Variants in CCR3 observed in about 807,000 individuals in gnomAD.
CCR3 encodes the protein C-C motif chemokine receptor 3.
For synonymous variants in CCR3, 203 were observed against 179.2 expected (o/e 1.13, Z -1.06); for missense variants, 419 against 437.5 (o/e 0.96, Z 0.38).
At chr3:46,259,084 G>T (rs1433478233) in intron 1 of CCR3, among the ~76,000 whole-genome samples, 1 of 152,170 alleles carries the variant, frequency 6.6e-6, no homozygotes, top group Non-Finnish European at 1.5e-5. Context: ...TTTCTGAGTG[G>T]CTGTGCAGCA....
At chr3:46,251,832 G>A (rs1700320035) in intron 1 of CCR3, among the ~76,000 whole-genome samples, 1 of 152,060 alleles carries the variant, frequency 6.6e-6, no homozygotes. Flanking sequence ...CAGTGGGGGT[G>A]ATTTAAAATC....
At chr3:46,232,914 C>A (rs987478259) in intron 2 of CCR3, among the ~76,000 whole-genome samples, 3 of 152,190 alleles carry the variant, frequency 2.0e-5, no homozygotes, top group Non-Finnish European at 4.4e-5. Context: ...CTCACTGCAA[C>A]CTCTACTTCC....
At chr3:46,248,960 G>GC (rs1700253442) in intron 1 of CCR3, among the ~76,000 whole-genome samples, 1 of 152,170 alleles carries the variant, frequency 6.6e-6, no homozygotes, top group Non-Finnish European at 1.5e-5. Context: ...TGGGGGAATG[G>GC]TAAGGAGAGT....
chr3:46,218,797 C>G (rs572951095), intron 2 of CCR3, among the ~76,000 whole-genome samples: 1 of 152,210 alleles, frequency 6.6e-6, no homozygotes, highest in African/African-American at 2.4e-5. Context: ...GATTAAAACC[C>G]TTAGCAAAAT....
intron 2 of CCR3, among the ~76,000 whole-genome samples, chr3:46,229,592 A>G (rs1301428385): frequency 6.6e-6 from 1 of 152,206 alleles, no homozygotes; most frequent in Non-Finnish European, 1.5e-5. Context: ...AAAGGGACAC[A>G]AAGAATCTCT....
At position 46,232,590 on chromosome 3, in the gene CCR3, G is replaced by T. The variant is rs905570280; in HGVS notation, c.-67-9812G>T. On this transcript the variant is annotated intron_variant, in intron 2 of 3. Coordinates refer to the CCR3 transcript ENST00000357422. Reference sequence around the variant, plus strand: ...CATTGATTTCAGAGCCTGCAGAGGGGTCTTAGGCTTTCTGGAGTGGGAGGG... The same window carrying T: ...CATTGATTTCAGAGCCTGCAGAGGGTTCTTAGGCTTTCTGGAGTGGGAGGG... Among the ~76,000 whole-genome samples, 12 of 152,302 alleles carry T rather than the reference G, an allele frequency of 7.9e-5. No individual in the cohort carries two copies. The East Asian group carries it at 2.3e-3, about 29-fold the overall frequency.
chr3:46,224,383 G>C lies in CCR3; in HGVS notation c.-68+13476G>C, dbSNP rs2125924084. Among the ~76,000 whole-genome samples the C allele has an allele frequency of 2.0e-5, 3 of 152,092 alleles. 1 individual carries two copies. In the South Asian group the frequency reaches 6.2e-4, roughly 32 times the overall value. On this transcript the variant is annotated intron_variant, in intron 2 of 3. Coordinates refer to the CCR3 transcript ENST00000357422. Reference sequence around the variant, plus strand: ...AGGCTGAGGCAGGCAGATTACCTGAGGCCAGGAGTTCAGGACCAGCCTGGC... The same window carrying C: ...AGGCTGAGGCAGGCAGATTACCTGACGCCAGGAGTTCAGGACCAGCCTGGC...
chr3:46,240,489 C>T (rs1434522811), upstream of CCR3, among the ~76,000 whole-genome samples: 1 of 152,130 alleles, frequency 6.6e-6, no homozygotes, highest in Admixed American at 6.6e-5. Flanking sequence ...CTGTTCATCC[C>T]TCGGGCCCTT....
At chr3:46,225,772 C>T (rs1432156238) in intron 2 of CCR3, among the ~76,000 whole-genome samples, 1 of 151,914 alleles carries the variant, frequency 6.6e-6, no homozygotes, top group Non-Finnish European at 1.5e-5. Flanking sequence ...TGCTTTTTTG[C>T]TTTTGAGTTT....
rs149664690 is a variant in CCR3, at chr3:46,218,827, CATAAGGTA to C, written c.-68+7923_-68+7930del. ...CAAAATCAGCATAGAAGGGACATAC[CATAAGGTA>C]ATCAAAGCCGTCTATGACAACCCCA... On this transcript the variant is annotated intron_variant, in intron 2 of 3. Transcript: ENST00000357422. Among the ~76,000 whole-genome samples, 192 of 152,036 alleles carry C rather than the reference CATAAGGTA, an allele frequency of 1.3e-3. 3 individuals are homozygous for C. The East Asian group carries it at 0.033, about 26-fold the overall frequency.
intron 2 of CCR3, among the ~76,000 whole-genome samples, chr3:46,215,485 A>C (rs1003331132): frequency 1.3e-5 from 2 of 152,112 alleles, no homozygotes; most frequent in Non-Finnish European, 2.9e-5. Context: ...CTGCTGTTCA[A>C]AGTGATGGCA....
chr3:46,247,733 T>C (rs1700223999), intron 1 of CCR3, among the ~76,000 whole-genome samples: 1 of 152,108 alleles, frequency 6.6e-6, no homozygotes, highest in African/African-American at 2.4e-5. Flanking sequence ...CCTCTACCTA[T>C]CTAGTGAAAG....
intron 2 of CCR3, among the ~76,000 whole-genome samples, chr3:46,222,846 A>G (rs1699852066): frequency 6.6e-6 from 1 of 152,240 alleles, no homozygotes. Flanking sequence ...GTAAATGTTC[A>G]GCCGATGGGA....
rs372216140 is a variant in CCR3 at position 46,266,183 on chromosome 3, T to C, written c.1025T>C (p.Val342Ala). The change falls in exon 2 of 2, where the codon GTC (valine) becomes GCC (alanine). Residue 342 changes from valine (V) to alanine (A), a missense_variant. Val to Ala is a moderately conservative substitution (Grantham distance 64). Coordinates refer to ENST00000395940, the MANE Select transcript of CCR3 (RefSeq NM_178329.3). ...GAGAAGCTGGAAAGAACCAGCTCTG[T>C]CTCTCCATCCACAGCAGAGCCGGAA... ...PSEKLERTSSVSPSTAEPELS... is the reference protein window; with the variant it reads ...PSEKLERTSSASPSTAEPELS... 3 of 1,613,770 alleles carry C rather than the reference T, an allele frequency of 1.9e-6. No individual in the cohort carries two copies. In the Admixed American group the frequency reaches 5.0e-5, roughly 27 times the overall value.
At chr3:46,222,401 G>A (rs577264354) in intron 2 of CCR3, among the ~76,000 whole-genome samples, 4 of 152,154 alleles carry the variant, frequency 2.6e-5, no homozygotes, top group Non-Finnish European at 5.9e-5. Flanking sequence ...TATTTAATTT[G>A]TCGCCCTCTT....
chr3:46,221,855 G>A (rs1699840036), intron 2 of CCR3, among the ~76,000 whole-genome samples: 1 of 152,074 alleles, frequency 6.6e-6, no homozygotes, highest in Non-Finnish European at 1.5e-5. Flanking sequence ...AAAGAAGGGG[G>A]TCCATGAAGG....
chr3:46,243,839 G>A (rs1700143007), intron 1 of CCR3, among the ~76,000 whole-genome samples: 1 of 152,148 alleles, frequency 6.6e-6, no homozygotes, highest in Non-Finnish European at 1.5e-5. Context: ...TAAATCACAG[G>A]AAGGGAAATA....
At chr3:46,221,023 CA>C (rs981541441) in intron 2 of CCR3, among the ~76,000 whole-genome samples, 2 of 152,182 alleles carry the variant, frequency 1.3e-5, no homozygotes, top group African/African-American at 4.8e-5. Flanking sequence ...AAATGATGCA[CA>C]TGAAGAATTT....
At chr3:46,228,022 A>G (rs750303783) in intron 2 of CCR3, among the ~76,000 whole-genome samples, 2 of 152,184 alleles carry the variant, frequency 1.3e-5, no homozygotes, top group African/African-American at 2.4e-5. Flanking sequence ...CAACATACCT[A>G]GAGAAGATTT....
Sources: gnomAD v4.1 joint callset for allele counts (sites outside exome capture counted in the v4.1 genomes callset) on GRCh38, gnomAD v4.1.1 for gene constraint, MANE v1.5 for transcripts, NCBI Gene and HGNC (gene_info 2026-07-23, HGNC 2026-07-21) for gene names.